MREG: variants seen among roughly 807,000 people sequenced by gnomAD.
The protein encoded by MREG is dilute suppressor protein homolog.
A neutral mutation model predicts 28.5 loss-of-function variants in MREG; 31 were observed. The ratio of observed to expected loss-of-function variants is 1.09; its 90% CI spans 0.82 to 1.47. The LOEUF is 1.47. MREG is among the 40% of genes most tolerant of loss of function. The pLI is 0.00. For synonymous variants in MREG, 106 were observed against 95.2 expected, an observed-to-expected ratio of 1.11 and a Z score of -0.66; for missense variants, 256 against 257.4, an observed-to-expected ratio of 0.99 and a Z score of 0.04.
chr2:216,014,434 A>T (rs1477014010), upstream of MREG, among the ~76,000 whole-genome samples: 1 of 152,136 alleles, frequency 6.6e-6, no homozygotes, highest in African/African-American at 2.4e-5. Flanking sequence ...GCGGATCATG[A>T]GGTCAAGAGA....
Position 215,996,320 on chromosome 2 carries a change from C to T in MREG, c.241G>A (p.Ala81Thr). The T allele has an allele frequency of 6.2e-7, 1 of 1,613,658 alleles. No homozygotes were observed. The highest frequency in any genetic ancestry group is 2.2e-5 in the East Asian group (1 of 44,856). The part of the protein sequence containing the change: ...YNLIVIRNQQ[A>T]KDSEEWQKLN... The stretch of plus-strand genomic sequence containing the variant: ...AAGGTGCTCACCTCTGAGTCTTTGG[C>T]CTGCTGATTACGAATGACTATCAAA... Residue 81 changes from alanine to threonine, a missense_variant, in exon 2 of 5, where the codon GCC (alanine) becomes ACC (threonine). Physicochemically the swap from Ala to Thr is moderately conservative, Grantham distance 58. Coordinates refer to ENST00000263268, the MANE Select transcript of MREG (RefSeq NM_018000.3).
intron 2 of MREG, among the ~76,000 whole-genome samples, chr2:215,961,503 G>T (rs1163287544): frequency 6.6e-6 from 1 of 152,030 alleles, no homozygotes; most frequent in Non-Finnish European, 1.5e-5. Context: ...TTGGCTCACC[G>T]CAACCTCCGT....
intron 1 of MREG, among the ~76,000 whole-genome samples, chr2:215,998,668 C>T (rs937307068): frequency 1.3e-5 from 2 of 152,210 alleles, no homozygotes; most frequent in South Asian, 4.1e-4. Flanking sequence ...CCTGACTCTT[C>T]CTAAGAATGA....
intron 1 of MREG, among the ~76,000 whole-genome samples, chr2:215,998,364 G>A (rs1183319296): frequency 1.3e-5 from 2 of 151,416 alleles, no homozygotes; most frequent in African/African-American, 2.4e-5. Context: ...AACAACCAGG[G>A]CCCACTTACA....
In MREG at chr2:216,013,250, C is replaced by T; in HGVS notation, c.78G>A (p.Glu26=). 1 of 1,549,762 alleles carries T rather than the reference C, an allele frequency of 6.5e-7. No individual in the cohort carries two copies. The highest frequency in any genetic ancestry group is 1.4e-5 in the African/African-American group (1 of 73,162). ...CECLEERALP[E]KEPLVSDNNP... Reference sequence around the variant, plus strand: ...GCACCCACCTGACGAGGGGCTCCTTCTCAGGCAGGGCGCGCTCCTCCAAGC... The same window carrying T: ...GCACCCACCTGACGAGGGGCTCCTTTTCAGGCAGGGCGCGCTCCTCCAAGC... The change falls in exon 1 of 5, where the codon GAG becomes GAA. Residue 26 remains glutamate, a synonymous_variant. Transcript: ENST00000263268.
intron 2 of MREG, among the ~76,000 whole-genome samples, chr2:215,986,149 A>ATATTT (rs968894978): frequency 2.0e-5 from 3 of 152,196 alleles, no homozygotes; most frequent in Non-Finnish European, 2.9e-5. Context: ...GCTCATAGGC[A>ATATTT]TATTTTATTT....
Position 215,943,029 on chromosome 2 carries a change from G to A in MREG, c.*1834C>T, listed in dbSNP as rs965984095. 3.9e-5 allele frequency: 6 copies of A among 154,914 alleles called. No individual in the cohort carries two copies. Among genetic ancestry groups the A allele is most frequent in the South Asian group, 4.0e-4 (2 of 5,048 alleles). 9.6% of individuals were successfully genotyped at this position (154,914 alleles called of 1,614,324 possible). On this transcript the variant is annotated 3_prime_UTR_variant, in exon 5 of 5. Transcript: ENST00000263268. Reference sequence around the variant, plus strand: ...CAATGCATTAATAAATGGAGAACACGGATCTCGCCTATGAAATATTTTAAA... The same window carrying A: ...CAATGCATTAATAAATGGAGAACACAGATCTCGCCTATGAAATATTTTAAA...
intron 2 of MREG, among the ~76,000 whole-genome samples, chr2:215,995,883 G>GAAA (rs3836040): frequency 1.3e-5 from 2 of 148,550 alleles, no homozygotes; most frequent in African/African-American, 2.5e-5. Flanking sequence ...CTTTAAACAG[G>GAAA]AAAAAAAAAA....
At chr2:216,015,378 A>T (rs891338147), upstream of MREG, among the ~76,000 whole-genome samples, 18 of 152,064 alleles carry the variant, frequency 1.2e-4, no homozygotes, top group Non-Finnish European at 2.1e-4. Flanking sequence ...CAGAGGAGGG[A>T]GAATGAACTA....
At chr2:216,014,729 G>T (rs552796627), upstream of MREG, among the ~76,000 whole-genome samples, 1 of 152,164 alleles carries the variant, frequency 6.6e-6, no homozygotes, top group African/African-American at 2.4e-5. Context: ...CATTGGTCAG[G>T]TGCCTTTTTA....
chr2:215,961,697 G>A lies in MREG; in HGVS notation c.256-14584C>T, dbSNP rs947952136. 9.9e-5 allele frequency among the ~76,000 whole-genome samples: 15 copies of A among 152,112 alleles called. 1 individual carries two copies. Among genetic ancestry groups the A allele is most frequent in the Admixed American group, 6.6e-4 (10 of 15,264 alleles). ...CTGCCTCAGCCTCCCAAAGTGCGGG[G>A]ATTACAGGCATAAGCCACCACACCC... On this transcript the variant is annotated intron_variant, in intron 2 of 4. Coordinates refer to ENST00000263268, the MANE Select transcript of MREG (RefSeq NM_018000.3).
intron 2 of MREG, among the ~76,000 whole-genome samples, chr2:215,989,656 T>C (rs1693671482): frequency 1.3e-5 from 2 of 151,984 alleles, no homozygotes; most frequent in Admixed American, 1.3e-4. Flanking sequence ...GAAAAAAGGT[T>C]AGAGGAATTG....
rs1263954486 is a variant in MREG, at chr2:215,942,740, C to G, written c.*2123G>C. 1 of 152,482 alleles carries G rather than the reference C, an allele frequency of 6.6e-6. No homozygotes were observed. Among genetic ancestry groups the G allele is most frequent in the Non-Finnish European group, 1.5e-5 (1 of 68,036 alleles). The allele number at this position is 152,482 out of a possible 1,614,324, so 9.4% of individuals were successfully genotyped here. A position where few individuals can be genotyped will look rare whatever the true frequency, so the allele number is the denominator to read the frequency against. On this transcript the variant is annotated 3_prime_UTR_variant, in exon 5 of 5. Coordinates refer to ENST00000263268, the MANE Select transcript of MREG (RefSeq NM_018000.3). ...ATGCACACAATCTCATCTATTTTGA[C>G]ATAAAAAAGGCAGAAAGGCAAAATA...
chr2:216,032,331 TTGAG>T (rs964474264), intron 1 of MREG, among the ~76,000 whole-genome samples: 2 of 152,220 alleles, frequency 1.3e-5, no homozygotes, highest in African/African-American at 4.8e-5. Flanking sequence ...GCTGATTTGT[TTGAG>T]TTTTTTTCCA....
chr2:216,022,559 T>C (rs1362390818), intron 1 of MREG, among the ~76,000 whole-genome samples: 1 of 152,222 alleles, frequency 6.6e-6, no homozygotes, highest in African/African-American at 2.4e-5. Flanking sequence ...TATATTGAAC[T>C]CTGTTGTCAC....
chr2:215,944,805 TTTGG>T lies in MREG; in HGVS notation c.*54_*57del. 1 of 1,505,272 alleles carries T rather than the reference TTTGG, an allele frequency of 6.6e-7. No homozygotes were observed. The highest frequency in any genetic ancestry group is 1.3e-5 in the South Asian group (1 of 75,238). The allele number at this position is 1,505,272 out of a possible 1,614,324, so 93.2% of individuals were successfully genotyped here. Reference sequence around the variant, plus strand: ...TCTCTTCTACATGTAATTGTCCAACTTTGGTTGACTGCTGAGTCCTCATGGAAGA... The same window carrying T: ...TCTCTTCTACATGTAATTGTCCAACTTTGACTGCTGAGTCCTCATGGAAGA... On this transcript the variant is annotated 3_prime_UTR_variant, in exon 5 of 5. Transcript: ENST00000263268.
chr2:216,016,475 G>A (rs1470412919), upstream of MREG, among the ~76,000 whole-genome samples: 1 of 152,180 alleles, frequency 6.6e-6, no homozygotes, highest in East Asian at 1.9e-4. Context: ...AGAAATTGGA[G>A]CATTCAGCTC....
chr2:215,990,869 A>C (rs921434041), intron 2 of MREG, among the ~76,000 whole-genome samples: 2 of 152,260 alleles, frequency 1.3e-5, no homozygotes, highest in African/African-American at 4.8e-5. Flanking sequence ...TATGTACCCA[A>C]TACAGGAGCA....
At chr2:215,987,959 A>G (rs2106007641) in intron 2 of MREG, among the ~76,000 whole-genome samples, 1 of 152,332 alleles carries the variant, frequency 6.6e-6, no homozygotes. Context: ...AAGCACTATG[A>G]AAAGGTTTAT....
Sources: gnomAD v4.1 joint callset for allele counts (sites outside exome capture counted in the v4.1 genomes callset) on GRCh38, gnomAD v4.1.1 for gene constraint, MANE v1.5 for transcripts, NCBI Gene and HGNC (gene_info 2026-07-23, HGNC 2026-07-21) for gene names.